The following TNS1 variants were observed in gnomAD, a reference collection of about 807,000 sequenced individuals.
TNS1 encodes tensin-1.
TNS1 carries 62 observed loss-of-function variants against 168.6 expected under a neutral mutation model. The observed-to-expected ratio is 0.37, with a 90% CI of 0.30 to 0.45. The LOEUF is 0.45. Among genes scored for constraint, TNS1 ranks in the 20% least tolerant of loss-of-function variants. TNS1 has a pLI of 1.00. For missense variants in TNS1, 2,240 were observed against 2,339.4 expected (o/e 0.96, Z 0.88); for synonymous variants, 934 against 933.2 (o/e 1.00, Z -0.02).
At chr2:217,878,428 G>A (rs1331512548) in intron 18 of TNS1, among the ~76,000 whole-genome samples, 1 of 152,188 alleles carries the variant, frequency 6.6e-6, no homozygotes, top group Non-Finnish European at 1.5e-5. Flanking sequence ...GCTCTTGACT[G>A]GCTTGGCAAG....
At chr2:217,859,759 C>A in intron 18 of TNS1, 1 of 1,348,798 alleles carries the variant, frequency 7.4e-7, no homozygotes, top group Non-Finnish European at 1.0e-6. Flanking sequence ...GCCTCACCCT[C>A]GTTCCCAACC....
At chr2:217,815,266 T>A in intron 24 of TNS1, 1 of 409,810 alleles carries the variant, frequency 2.4e-6, no homozygotes, top group Non-Finnish European at 4.5e-6. Flanking sequence ...ACTGGGGTGA[T>A]GCGTCTACAT....
In TNS1 at chr2:217,831,535, G is replaced by C; in HGVS notation, c.3293C>G (p.Pro1098Arg). 1 of 1,525,034 alleles carries C rather than the reference G, an allele frequency of 6.6e-7. No homozygotes were observed. The highest frequency in any genetic ancestry group is 8.8e-7 in the Non-Finnish European group (1 of 1,139,852). The allele number at this position is 1,525,034 out of a possible 1,614,324, so 94.5% of individuals were successfully genotyped here. The change falls in exon 22 of 33, where the codon CCG becomes CGG. Residue 1098 changes from proline (P) to arginine (R), a missense_variant. This residue lies in a region of TNS1 where 2,131 missense variants were observed against 2,171.2 expected (regional missense o/e 0.98). Coordinates refer to ENST00000682258, the MANE Select transcript of TNS1 (RefSeq NM_001387777.1). ...SPPPSGVRSP[P>R]GLAKTPLSAL... ...AGACAGGGGTGTCTTGGCCAGACCC[G>C]GGGGGGACCGCACTGTGCCAGGAAG...
intron 1 of TNS1, among the ~76,000 whole-genome samples, chr2:218,017,830 C>T (rs1046259901): frequency 6.6e-6 from 1 of 152,242 alleles, no homozygotes; most frequent in Admixed American, 6.5e-5. Flanking sequence ...CACAACCCCT[C>T]CTGGCTCTGC....
rs1415601997 is a variant in TNS1, at chr2:217,847,773, C to A, written c.2744G>T (p.Gly915Val). 9 of 1,607,756 alleles carry A rather than the reference C, an allele frequency of 5.6e-6. No homozygotes were observed. Among genetic ancestry groups the A allele is most frequent in the Non-Finnish European group, 7.7e-6 (9 of 1,174,998 alleles). The change falls in exon 19 of 33, where the codon GGC (glycine) becomes GTC (valine). Residue 915 changes from glycine to valine, a missense_variant. Transcript: ENST00000682258. ...ATAGTCATAAGGTGAGTAAGACCTG[C>A]CAGGAGGGACAGACTCCAGAGAGGC... Reference protein sequence around the residue: ...PRASLESVPPGRSYSPYDYQP... With the variant: ...PRASLESVPPVRSYSPYDYQP...
At chr2:217,878,575 A>G (rs1171222679) in intron 18 of TNS1, among the ~76,000 whole-genome samples, 1 of 152,196 alleles carries the variant, frequency 6.6e-6, no homozygotes, top group Non-Finnish European at 1.5e-5. Flanking sequence ...TGGTAAATCC[A>G]GGCCTTCTCC....
At chr2:217,916,722 G>T (rs1955051080) in intron 4 of TNS1, among the ~76,000 whole-genome samples, 2 of 152,196 alleles carry the variant, frequency 1.3e-5, no homozygotes, top group South Asian at 2.1e-4. Flanking sequence ...CCGGGCACAG[G>T]TTGGGAAATG....
upstream of TNS1, among the ~76,000 whole-genome samples, chr2:218,012,013 C>T (rs1054369162): frequency 2.0e-5 from 3 of 152,142 alleles, no homozygotes; most frequent in Non-Finnish European, 2.9e-5. Context: ...TCCAACAGGC[C>T]GGGCCTTTGT....
intron 1 of TNS1, among the ~76,000 whole-genome samples, chr2:218,001,740 C>T (rs551786737): frequency 6.6e-6 from 1 of 152,038 alleles, no homozygotes; most frequent in South Asian, 2.1e-4. Context: ...CCTCCCCCAC[C>T]CTTTCTTTCT....
At chr2:217,909,706 T>A (rs1173197372) in intron 4 of TNS1, among the ~76,000 whole-genome samples, 1 of 151,908 alleles carries the variant, frequency 6.6e-6, no homozygotes, top group Non-Finnish European at 1.5e-5. Context: ...AGCTAACAGC[T>A]CCCTTGCCTC....
chr2:218,001,764 A>C (rs1421064009), intron 1 of TNS1, among the ~76,000 whole-genome samples: 7 of 141,998 alleles, frequency 4.9e-5, no homozygotes, highest in African/African-American at 1.1e-4. Context: ...CCCAGAGGAC[A>C]CCTGGCTGCC....
chr2:217,847,935 C>A lies in TNS1; in HGVS notation c.2582G>T (p.Gly861Val). ...APLHKSQSVP[G>V]AWPGASPLSS... is the part of the protein sequence containing the mutation. ...GAGTGGAGAAGCCCCTGGCCAGGCCCCGGGGACACTCTGGGACTTGTGTAG... is the reference window on the plus strand; with the variant it reads ...GAGTGGAGAAGCCCCTGGCCAGGCCACGGGGACACTCTGGGACTTGTGTAG... Residue 861 changes from glycine (G) to valine (V), a missense_variant, in exon 19 of 33, where the codon GGG becomes GTG. Transcript: ENST00000682258. 8.6e-6 allele frequency: 13 copies of A among 1,518,540 alleles called. No individual in the cohort carries two copies. Among genetic ancestry groups the A allele is most frequent in the Non-Finnish European group, 1.2e-5 (13 of 1,129,802 alleles). The allele number at this position is 1,518,540 out of a possible 1,614,324, so 94.1% of individuals were successfully genotyped here.
chr2:217,935,683 C>T (rs1956569306), intron 3 of TNS1, among the ~76,000 whole-genome samples: 1 of 152,222 alleles, frequency 6.6e-6, no homozygotes, highest in Non-Finnish European at 1.5e-5. Flanking sequence ...AGCCAAGAAA[C>T]CCCTGCTGCC....
chr2:217,850,953 C>T lies in TNS1; in HGVS notation c.1430-1866G>A, dbSNP rs528239072. On this transcript the variant is annotated intron_variant, in intron 18 of 32. Coordinates refer to ENST00000682258, the MANE Select transcript of TNS1 (RefSeq NM_001387777.1). ...GCACATCCTCTCTAGCCATCGCCTC[C>T]GAGCCAGACAGTATTACACCCATCA... 1.8e-4 allele frequency among the ~76,000 whole-genome samples: 27 copies of T among 152,316 alleles called. No homozygotes were observed. The South Asian group carries it at 2.5e-3, about 14-fold the overall frequency.
rs761070872 is a variant in TNS1 at position 217,818,222 on chromosome 2, G to T, written c.4110C>A (p.Thr1370=). 2.5e-6 allele frequency: 4 copies of T among 1,613,910 alleles called. No individual in the cohort carries two copies. Among genetic ancestry groups the T allele is most frequent in the Non-Finnish European group, 8.5e-7 (1 of 1,179,914 alleles). Residue 1370 remains threonine (T), a synonymous_variant, in exon 24 of 33, where the codon ACC becomes ACA. Transcript: ENST00000682258. The part of the protein sequence containing the change: ...VSGLHNKVAT[T]PGSPSLGRHP... ...GCCGGCCCAGGCTGGGACTCCCCGG[G>T]GTGGTGGCCACTTTGTTGTGGAGGC... is the stretch of plus-strand genomic sequence containing the variant.
intron 3 of TNS1, among the ~76,000 whole-genome samples, chr2:217,933,771 G>A (rs968514854): frequency 1.3e-5 from 2 of 152,188 alleles, no homozygotes; most frequent in Non-Finnish European, 2.9e-5. Context: ...TTCTGGAAGA[G>A]CAGGTGAAAG....
chr2:217,931,810 A>C (rs906416145), intron 3 of TNS1, among the ~76,000 whole-genome samples: 1 of 152,192 alleles, frequency 6.6e-6, no homozygotes, highest in Non-Finnish European at 1.5e-5. Flanking sequence ...GGAAACGTTA[A>C]AATGTTTTTT....
At chr2:217,870,764 G>A (rs1949703850) in intron 18 of TNS1, among the ~76,000 whole-genome samples, 1 of 152,192 alleles carries the variant, frequency 6.6e-6, no homozygotes, top group Admixed American at 6.5e-5. Flanking sequence ...TGTGTTCCAT[G>A]GGCAGAGGCT....
intron 2 of TNS1, among the ~76,000 whole-genome samples, chr2:217,979,795 G>A (rs1313013540): frequency 1.3e-5 from 2 of 152,088 alleles, no homozygotes; most frequent in African/African-American, 4.8e-5. Flanking sequence ...AGGAACTCTG[G>A]TTAGAGAACT....
Sources: gnomAD v4.1 joint callset for allele counts (sites outside exome capture counted in the v4.1 genomes callset) on GRCh38, gnomAD v4.1.1 for gene constraint, gnomAD v4.1.1 regional missense constraint, MANE v1.5 for transcripts, NCBI Gene and HGNC (gene_info 2026-07-23, HGNC 2026-07-21) for gene names.